BYSL: variants seen among roughly 807,000 people sequenced by gnomAD.
BYSL encodes bystin like, also known as bystin.
A neutral mutation model predicts 45.4 loss-of-function variants in BYSL; 21 were observed. That is an observed-to-expected ratio of 0.46 (90% CI 0.33 to 0.67). BYSL has a LOEUF of 0.67. Among genes scored for constraint, BYSL ranks in the 30% least tolerant of loss-of-function variants. BYSL has a pLI of 0.02. For synonymous variants in BYSL, 215 were observed against 231.3 expected (o/e 0.93, Z 0.64); for missense variants, 522 against 578.5 (o/e 0.90, Z 1.00).
rs1319066827 is a variant in BYSL, at chr6:41,932,559, C to G, written c.1167C>G (p.Tyr389Ter). The change falls in exon 7 of 7, where the codon TAC (tyrosine) becomes TAG (stop). Residue 389 changes from tyrosine (Y) to a stop codon, truncating the protein, a stop_gained. Coordinates refer to ENST00000230340, the MANE Select transcript of BYSL (RefSeq NM_004053.4). LOFTEE classifies it high-confidence loss of function. The surrounding 1 kb of genome is among the most constrained non-coding windows in gnomAD (Gnocchi z 4.7). ...HQCLLTLVQR[Y>*]KADLATDQKE... ...GCCTCCTGACTTTGGTCCAGCGCTA[C>G]AAGGCCGACTTGGCCACAGACCAGA... The G allele has an allele frequency of 1.2e-6, 2 of 1,614,108 alleles. No individual in the cohort carries two copies. The highest frequency in any genetic ancestry group is 2.2e-5 in the South Asian group (2 of 91,092).
At chr6:41,928,956 C>A (rs1199208024) in intron 2 of BYSL, among the ~76,000 whole-genome samples, 1 of 152,162 alleles carries the variant, frequency 6.6e-6, no homozygotes, top group Non-Finnish European at 1.5e-5. Flanking sequence ...TGTTTTGTGA[C>A]AGGATCTCAC....
chr6:41,921,842 G>A lies in BYSL; in HGVS notation c.268+12G>A. The A allele has an allele frequency of 6.2e-7, 1 of 1,608,006 alleles. No homozygotes were observed. On this transcript the variant is annotated intron_variant, in intron 1 of 6. Transcript: ENST00000230340. ...CACCACGCGGCTGGGTGAGTGTCTG[G>A]GATGAGGTCCGAGGAAGACAGTGGC...
In BYSL at chr6:41,927,527, C is replaced by G. The variant is rs767509469; in HGVS notation, c.422C>G (p.Pro141Arg). The G allele has an allele frequency of 7.4e-6, 12 of 1,613,836 alleles. No homozygotes were observed. In the South Asian group the frequency reaches 1.3e-4, roughly 18 times the overall value. The change falls in exon 2 of 7, where the codon CCT becomes CGT. Residue 141 changes from proline to arginine, a missense_variant. Coordinates refer to ENST00000230340, the MANE Select transcript of BYSL (RefSeq NM_004053.4). Reference protein sequence around the residue: ...RAIEMFMNKNPPARRTLADII... With the variant: ...RAIEMFMNKNRPARRTLADII... ...ATAGAGATGTTCATGAACAAGAACC[C>G]TCCTGCCAGGTAGGCCTGGGGATTT...
upstream of BYSL, chr6:41,916,932 G>A: frequency 6.2e-7 from 1 of 1,613,878 alleles, no homozygotes; most frequent in Non-Finnish European, 8.5e-7. Flanking sequence ...ACAGGCATCT[G>A]GGACACACTG....
At chr6:41,920,788 C>CAAA, upstream of BYSL, 1 of 454,850 alleles carries the variant, frequency 2.2e-6, no homozygotes, top group Non-Finnish European at 3.8e-6. Context: ...CAAAACAAAA[C>CAAA]AAAAAAAAAA....
intron 1 of BYSL, among the ~76,000 whole-genome samples, chr6:41,925,201 AT>A (rs1397502527): frequency 1.3e-5 from 2 of 152,108 alleles, no homozygotes; most frequent in Non-Finnish European, 2.9e-5. Flanking sequence ...TGGAGACAAA[AT>A]GTCTGTTCCC....
the BYSL span, among the ~76,000 whole-genome samples, chr6:41,916,230 G>C: frequency 6.6e-6 from 1 of 150,516 alleles, no homozygotes; most frequent in Non-Finnish European, 1.5e-5. Flanking sequence ...CAGCCTGGGA[G>C]ACTGAGCAAA....
chr6:41,932,590 G>T lies in BYSL; in HGVS notation c.1198G>T (p.Ala400Ser). The T allele has an allele frequency of 1.2e-6, 2 of 1,614,206 alleles. No individual in the cohort carries two copies. The highest frequency in any genetic ancestry group is 1.7e-6 in the Non-Finnish European group (2 of 1,180,040). Reference protein sequence around the residue: ...KADLATDQKEALLELLRLQPH... With the variant: ...KADLATDQKESLLELLRLQPH... ...CGACTTGGCCACAGACCAGAAAGAG[G>T]CCCTCTTAGAACTGCTCCGGCTGCA... The change falls in exon 7 of 7, where the codon GCC becomes TCC. Residue 400 changes from alanine (A) to serine (S), a missense_variant. Coordinates refer to ENST00000230340, the MANE Select transcript of BYSL (RefSeq NM_004053.4). This position sits in a 1 kb window ranked among gnomAD's most constrained non-coding sequence, Gnocchi z 4.7.
chr6:41,914,842 T>A, the BYSL span, among the ~76,000 whole-genome samples: 1 of 152,060 alleles, frequency 6.6e-6, no homozygotes, highest in African/African-American at 2.4e-5. Context: ...TCAAGGCCAA[T>A]GGTTAGGTGT....
chr6:41,913,528 C>T, the BYSL span, among the ~76,000 whole-genome samples: 2 of 152,180 alleles, frequency 1.3e-5, no homozygotes, highest in Non-Finnish European at 2.9e-5. Context: ...TTGAAGGCAA[C>T]ACAAATGGTA....
rs937679311 is a variant in BYSL, at chr6:41,932,595, C to G, written c.1203C>G (p.Leu401=). ...ADLATDQKEA[L]LELLRLQPHP... is the part of the protein sequence containing the mutation. ...TGGCCACAGACCAGAAAGAGGCCCTCTTAGAACTGCTCCGGCTGCAGCCCC... is the reference window on the plus strand; with the variant it reads ...TGGCCACAGACCAGAAAGAGGCCCTGTTAGAACTGCTCCGGCTGCAGCCCC... Residue 401 remains leucine (L), a synonymous_variant, in exon 7 of 7, where the codon CTC becomes CTG. Coordinates refer to ENST00000230340, the MANE Select transcript of BYSL (RefSeq NM_004053.4). The surrounding 1 kb of genome is among the most constrained non-coding windows in gnomAD (Gnocchi z 4.7). 1.2e-6 allele frequency: 2 copies of G among 1,614,224 alleles called. No homozygotes were observed. Among genetic ancestry groups the G allele is most frequent in the Admixed American group, 1.7e-5 (1 of 60,030 alleles).
At chr6:41,921,035 G>A, upstream of BYSL, 1 of 1,612,222 alleles carries the variant, frequency 6.2e-7, no homozygotes, top group African/African-American at 1.3e-5. Context: ...GGGCCAGGAA[G>A]GTGGCAGAAT....
At chr6:41,912,221 T>TTG in the BYSL span, among the ~76,000 whole-genome samples, 14 of 146,882 alleles carry the variant, frequency 9.5e-5, no homozygotes, top group African/African-American at 3.3e-4. Flanking sequence ...TTTTTTTTTT[T>TTG]GTAAAGATGA....
rs768665277 is a variant in BYSL, at chr6:41,921,591, TG to T, written c.35del (p.Gly12ValfsTer43). 1 of 1,588,236 alleles carries T rather than the reference TG, an allele frequency of 6.3e-7. No homozygotes were observed. Among genetic ancestry groups the T allele is most frequent in the Non-Finnish European group, 8.6e-7 (1 of 1,164,638 alleles). MPKFKAARG[V>X]GGQEKHAPLA... The stretch of plus-strand genomic sequence containing the variant: ...CCCAAATTCAAGGCGGCCCGTGGGG[TG>T]GGGGGTCAGGAAAAACATGCGCCCC... On this transcript the variant is annotated frameshift_variant, in exon 1 of 7. Transcript: ENST00000230340. LOFTEE classifies it high-confidence loss of function.
upstream of BYSL, among the ~76,000 whole-genome samples, chr6:41,918,396 T>C (rs566522217): frequency 7.9e-5 from 12 of 151,038 alleles, no homozygotes; most frequent in Non-Finnish European, 1.2e-4. Context: ...CCCAGCTACA[T>C]GGGAGGCTGA....
At chr6:41,931,666 T>G in intron 5 of BYSL, 62 bp from the exon 6 acceptor site, 2 of 1,605,456 alleles carry the variant, frequency 1.2e-6, no homozygotes, top group Non-Finnish European at 1.7e-6. Context: ...TGGGAATGCT[T>G]CCTGCTGTAA....
chr6:41,926,482 C>T (rs573812237), intron 1 of BYSL, among the ~76,000 whole-genome samples: 2 of 151,894 alleles, frequency 1.3e-5, no homozygotes, highest in East Asian at 2.0e-4. Context: ...GACGGAGTCT[C>T]GCTTTGTCAC....
upstream of BYSL, chr6:41,917,896 A>C: frequency 2.5e-6 from 1 of 402,076 alleles, no homozygotes. Flanking sequence ...CCATCATCAC[A>C]GAAAGTGCTA....
chr6:41,919,773 A>T (rs1408783041), upstream of BYSL, among the ~76,000 whole-genome samples: 2 of 151,612 alleles, frequency 1.3e-5, no homozygotes, highest in Non-Finnish European at 2.9e-5. Context: ...CTATTTCTTT[A>T]AAAAAAAGAA....
Sources: gnomAD v4.1 joint callset for allele counts (sites outside exome capture counted in the v4.1 genomes callset) on GRCh38, gnomAD v4.1.1 for gene constraint, Gnocchi (gnomAD v3.1) non-coding constraint, MANE v1.5 for transcripts, NCBI Gene and HGNC (gene_info 2026-07-23, HGNC 2026-07-21) for gene names.